The following DAB1 variants were observed in gnomAD, a reference collection of about 807,000 sequenced individuals.
DAB1 encodes DAB adaptor protein 1.
DAB1 carries 15 observed loss-of-function variants against 64.6 expected under a neutral mutation model. The ratio of observed to expected loss-of-function variants is 0.23; its 90% confidence interval spans 0.16 to 0.36. The LOEUF (loss-of-function observed/expected upper bound fraction) is 0.36, where lower values mean the gene tolerates loss of function less well. Ranked by LOEUF, DAB1 falls within the 10% of genes least tolerant of loss-of-function variation. DAB1 has a pLI of 1.00. For synonymous variants in DAB1, 235 were observed against 251.9 expected (o/e 0.93, Z 0.64); for missense variants, 596 against 706.7 (o/e 0.84, Z 1.78).
chr1:58,277,843 C>T (rs1335961996), intron 4 of DAB1, among the ~76,000 whole-genome samples: 1 of 152,178 alleles, frequency 6.6e-6, no homozygotes, highest in African/African-American at 2.4e-5. Context: ...GCAGTTTATT[C>T]TTCATGCTAT....
chr1:57,962,976 TTATAA>T (rs1645563593), intron 5 of DAB1, among the ~76,000 whole-genome samples: 2 of 152,200 alleles, frequency 1.3e-5, no homozygotes, highest in Admixed American at 6.5e-5. Flanking sequence ...TTACATGCCT[TTATAA>T]TATAACATGC....
At chr1:57,393,904 A>G (rs1452145431) in intron 1 of DAB1, among the ~76,000 whole-genome samples, 2 of 152,188 alleles carry the variant, frequency 1.3e-5, no homozygotes, top group African/African-American at 4.8e-5. Flanking sequence ...CTGACCCTTG[A>G]GATAGATGAC....
At chr1:58,341,387 T>C (rs1021794669) in intron 4 of DAB1, among the ~76,000 whole-genome samples, 1 of 152,160 alleles carries the variant, frequency 6.6e-6, no homozygotes, top group African/African-American at 2.4e-5. Context: ...TGAAACCCAA[T>C]AATCTTGATT....
chr1:57,080,772 A>G lies in DAB1; in HGVS notation c.307-8358T>C, dbSNP rs554212453. Among the ~76,000 whole-genome samples the G allele has an allele frequency of 3.9e-5, 6 of 152,090 alleles. No homozygotes were observed. In the East Asian group the frequency reaches 5.8e-4, roughly 15 times the overall value. On this transcript the variant is annotated intron_variant, in intron 4 of 14. Transcript: ENST00000371236. ...CACACACACGCACACACACACACAC[A>G]CACCTTAAATAAGGAAAATTGCTTC...
intron 7 of DAB1, among the ~76,000 whole-genome samples, chr1:57,552,827 G>A (rs1246100987): frequency 6.6e-6 from 1 of 152,126 alleles, no homozygotes; most frequent in Non-Finnish European, 1.5e-5. Context: ...GAGGCCTGAT[G>A]GGGGAAGAAT....
chr1:58,525,541 T>A lies in DAB1; in HGVS notation n.107+1720A>T, dbSNP rs951933007. On this transcript the variant is annotated intron_variant and non_coding_transcript_variant, in intron 2 of 20. Transcript: ENST00000485760. ...TGTGTAATTCCTACATACAAAAAAA[T>A]TTCAAAACATCGAGAAAAATTAAAC... 1.3e-5 allele frequency among the ~76,000 whole-genome samples: 2 copies of A among 152,076 alleles called. 1 individual carries two copies. The highest frequency in any genetic ancestry group is 6.8e-3 in the Middle Eastern group (2 of 294).
intron 3 of DAB1, among the ~76,000 whole-genome samples, chr1:58,361,863 C>CTTTTTTTTTTTT (rs34029239): frequency 2.4e-5 from 2 of 84,022 alleles, no homozygotes; most frequent in Admixed American, 1.9e-4. Context: ...AAAGATCCCC[C>CTTTTTTTTTTTT]TTTTTTTTTT....
At chr1:57,883,875 C>G (rs896511596) in intron 1 of DAB1, 6 of 152,052 alleles carry the variant, frequency 3.9e-5, no homozygotes, top group African/African-American at 1.4e-4. Flanking sequence ...AGAGGCAGTT[C>G]CAGAAAGGAA....
chr1:57,732,048 C>A (rs1227206648), intron 6 of DAB1, among the ~76,000 whole-genome samples: 1 of 152,060 alleles, frequency 6.6e-6, no homozygotes, highest in African/African-American at 2.4e-5. Flanking sequence ...GAATGAGAAT[C>A]CTGTAGTCAA....
At chr1:57,919,306 G>C (rs1226348590) in intron 5 of DAB1, among the ~76,000 whole-genome samples, 6 of 152,158 alleles carry the variant, frequency 3.9e-5, no homozygotes, top group Admixed American at 2.0e-4. Flanking sequence ...TTAATAGCTG[G>C]GGATGTAGAG....
intron 4 of DAB1, among the ~76,000 whole-genome samples, chr1:58,326,605 A>T (rs1050788939): frequency 1.6e-4 from 24 of 152,188 alleles, no homozygotes; most frequent in Non-Finnish European, 3.5e-4. Flanking sequence ...CACAGGCATC[A>T]TCTCCTTTAA....
At chr1:57,768,249 T>C (rs969104778) in intron 6 of DAB1, among the ~76,000 whole-genome samples, 4 of 151,454 alleles carry the variant, frequency 2.6e-5, no homozygotes, top group Admixed American at 6.6e-5. Context: ...CTCCATTTCT[T>C]ACTGTGTGTG....
chr1:58,105,008 C>T (rs1401605745), intron 5 of DAB1, among the ~76,000 whole-genome samples: 1 of 152,132 alleles, frequency 6.6e-6, no homozygotes, highest in East Asian at 1.9e-4. Context: ...GTATTCCCAT[C>T]GCTATGTCTG....
At chr1:58,217,335 A>G (rs1170246326) in intron 4 of DAB1, among the ~76,000 whole-genome samples, 1 of 152,184 alleles carries the variant, frequency 6.6e-6, no homozygotes, top group Non-Finnish European at 1.5e-5. Context: ...GCAGACCAGA[A>G]CCCCGAAAGT....
intron 5 of DAB1, among the ~76,000 whole-genome samples, chr1:58,146,915 T>C (rs939002252): frequency 6.6e-6 from 1 of 152,090 alleles, no homozygotes. Context: ...ACCTCACACC[T>C]GTTAGGATGG....
At chr1:57,987,651 G>A (rs764850268) in intron 5 of DAB1, among the ~76,000 whole-genome samples, 13 of 152,180 alleles carry the variant, frequency 8.5e-5, no homozygotes, top group Non-Finnish European at 1.6e-4. Context: ...AAGGTGCTCA[G>A]CTCTGAAATG....
intron 5 of DAB1, among the ~76,000 whole-genome samples, chr1:57,999,606 A>G (rs889369960): frequency 2.0e-5 from 3 of 152,124 alleles, no homozygotes. Context: ...ATTTTTGTTT[A>G]TCACAACTGA....
At chr1:57,814,750 A>G (rs924319693) in intron 6 of DAB1, among the ~76,000 whole-genome samples, 1 of 152,180 alleles carries the variant, frequency 6.6e-6, no homozygotes, top group Non-Finnish European at 1.5e-5. Context: ...AGTGTCTTCT[A>G]GTCTGTCAGG....
chr1:58,326,001 C>G (rs983636963), intron 4 of DAB1, among the ~76,000 whole-genome samples: 2 of 152,158 alleles, frequency 1.3e-5, no homozygotes, highest in African/African-American at 4.8e-5. Flanking sequence ...CCCTGCTCCA[C>G]CCCTCCCTCT....
Sources: allele counts gnomAD v4.1 joint callset (sites outside exome capture counted in the v4.1 genomes callset), GRCh38; gene constraint gnomAD v4.1.1; transcripts MANE v1.5; gene names NCBI Gene and HGNC (gene_info 2026-07-23, HGNC 2026-07-21).